Variants in SYT9 observed in about 807,000 individuals in gnomAD.
The protein encoded by SYT9 is synaptotagmin 9.
A neutral mutation model predicts 48.4 loss-of-function variants in SYT9; 22 were observed. The observed-to-expected ratio is 0.45, with a 90% CI of 0.32 to 0.65. The LOEUF is 0.65. Among genes scored for constraint, SYT9 ranks in the 30% least tolerant of loss-of-function variants. The probability of loss-of-function intolerance (pLI) is 0.03; values close to 1 mark genes in which losing one functional copy is unlikely to be tolerated. For synonymous variants in SYT9, 265 were observed against 245.0 expected (o/e 1.08, Z -0.76); for missense variants, 577 against 622.0 (o/e 0.93, Z 0.77).
intron 3 of SYT9, among the ~76,000 whole-genome samples, chr11:7,376,793 T>G (rs1271716557): frequency 3.3e-5 from 5 of 151,938 alleles, no homozygotes; most frequent in African/African-American, 4.8e-5. Context: ...TGTCCACCTT[T>G]GAATGAAGAT....
At chr11:7,286,103 C>T (rs1213436144) in intron 1 of SYT9, among the ~76,000 whole-genome samples, 1 of 152,156 alleles carries the variant, frequency 6.6e-6, no homozygotes, top group East Asian at 1.9e-4. Context: ...AGGCAGTGTC[C>T]CAGTGGGGAC....
At chr11:7,380,082 C>T (rs1415887637) in intron 3 of SYT9, among the ~76,000 whole-genome samples, 1 of 152,054 alleles carries the variant, frequency 6.6e-6, no homozygotes, top group African/African-American at 2.4e-5. Context: ...AAATGTGGTA[C>T]ATATACACAA....
intron 6 of SYT9, among the ~76,000 whole-genome samples, chr11:7,433,763 C>CTCACCAGAGCTAG (rs1847653453): frequency 1.3e-5 from 2 of 152,116 alleles, no homozygotes; most frequent in African/African-American, 4.8e-5. Context: ...TCACCAGACA[C>CTCACCAGAGCTAG]CAAATCAGCT....
intron 3 of SYT9, among the ~76,000 whole-genome samples, chr11:7,374,448 A>G (rs1186653972): frequency 1.3e-5 from 2 of 152,088 alleles, no homozygotes; most frequent in Non-Finnish European, 2.9e-5. Context: ...AATGGGATTT[A>G]AAGATCAAAT....
intron 6 of SYT9, among the ~76,000 whole-genome samples, chr11:7,446,511 A>G (rs1436490351): frequency 6.6e-6 from 1 of 152,160 alleles, no homozygotes; most frequent in African/African-American, 2.4e-5. Context: ...CTGTCCAGTG[A>G]TCTCCAGAGC....
chr11:7,368,470 A>G (rs766881099), intron 3 of SYT9, among the ~76,000 whole-genome samples: 1 of 152,050 alleles, frequency 6.6e-6, no homozygotes, highest in Non-Finnish European at 1.5e-5. Flanking sequence ...TCTAGGTTTT[A>G]AGCCCCACAT....
At position 7,311,619 on chromosome 11, in the gene SYT9, T is replaced by G. The variant is rs371813197; in HGVS notation, c.498-1776T>G. ...CTTTTATCATGTAAACAGCACCACT[T>G]ACTAGACAGTACCCAGAAGGGTGGG... On this transcript the variant is annotated intron_variant, in intron 2 of 6. Coordinates refer to ENST00000318881, the MANE Select transcript of SYT9 (RefSeq NM_175733.4). Among the ~76,000 whole-genome samples the G allele has an allele frequency of 9.1e-4, 139 of 152,314 alleles. 1 individual carries two copies. The South Asian group carries it at 0.028, about 30-fold the overall frequency.
intron 1 of SYT9, among the ~76,000 whole-genome samples, chr11:7,253,504 A>G (rs560290163): frequency 2.0e-5 from 3 of 152,360 alleles, no homozygotes; most frequent in Admixed American, 1.3e-4. Context: ...TCCTTGATAT[A>G]TTCAAGATGG....
intron 1 of SYT9, among the ~76,000 whole-genome samples, chr11:7,279,837 C>T (rs759499584): frequency 2.0e-5 from 3 of 152,214 alleles, no homozygotes; most frequent in Non-Finnish European, 2.9e-5. Context: ...TCTTCCTCTA[C>T]ATCTAATTGC....
At chr11:7,405,965 G>C (rs2134082028) in intron 3 of SYT9, among the ~76,000 whole-genome samples, 1 of 152,192 alleles carries the variant, frequency 6.6e-6, no homozygotes, top group Non-Finnish European at 1.5e-5. Flanking sequence ...TGTTGAACTA[G>C]GGGCTGTTCT....
intron 1 of SYT9, among the ~76,000 whole-genome samples, chr11:7,296,755 A>G (rs1848815606): frequency 6.6e-6 from 1 of 152,210 alleles, no homozygotes; most frequent in South Asian, 2.1e-4. Flanking sequence ...AGGGATATTG[A>G]TGAGGTAATT....
At position 7,288,364 on chromosome 11, in the gene SYT9, C is replaced by T. The variant is rs1269443664; in HGVS notation, c.146-14675C>T. ...TTCTCTTATATTTTTATGATAATGT[C>T]TCATCCTTTCTAATACCTCTTATTT... is the stretch of plus-strand genomic sequence containing the variant. On this transcript the variant is annotated intron_variant, in intron 1 of 6. Transcript: ENST00000318881. Among the ~76,000 whole-genome samples the T allele has an allele frequency of 2.0e-5, 3 of 151,116 alleles. No homozygotes were observed. The South Asian group carries it at 6.2e-4, about 31-fold the overall frequency.
At chr11:7,380,641 T>C (rs1850543970) in intron 3 of SYT9, among the ~76,000 whole-genome samples, 1 of 151,332 alleles carries the variant, frequency 6.6e-6, no homozygotes, top group Non-Finnish European at 1.5e-5. Flanking sequence ...AAACAGAAAA[T>C]AAAAAAATAA....
intron 3 of SYT9, among the ~76,000 whole-genome samples, chr11:7,382,691 G>A (rs1390040867): frequency 6.6e-6 from 1 of 152,182 alleles, no homozygotes; most frequent in East Asian, 1.9e-4. Context: ...TTCGTTGACC[G>A]TAAGGAGCTT....
intron 3 of SYT9, among the ~76,000 whole-genome samples, chr11:7,404,327 C>T (rs1451285646): frequency 5.9e-5 from 9 of 152,008 alleles, no homozygotes; most frequent in African/African-American, 1.9e-4. Context: ...AATTTACTAC[C>T]TTACTATCTG....
intron 3 of SYT9, among the ~76,000 whole-genome samples, chr11:7,374,063 C>G (rs1301099034): frequency 6.6e-6 from 1 of 152,020 alleles, no homozygotes; most frequent in Non-Finnish European, 1.5e-5. Context: ...CCAATGCTAT[C>G]CCTCCCCTTG....
chr11:7,347,824 G>A (rs1564871344), intron 3 of SYT9, among the ~76,000 whole-genome samples: 1 of 152,148 alleles, frequency 6.6e-6, no homozygotes, highest in Non-Finnish European at 1.5e-5. Context: ...CAGGCCTCCT[G>A]AAGCATTTGT....
At chr11:7,357,391 A>T (rs936637279) in intron 3 of SYT9, among the ~76,000 whole-genome samples, 5 of 152,156 alleles carry the variant, frequency 3.3e-5, no homozygotes, top group Non-Finnish European at 4.4e-5. Context: ...TAATACAAAT[A>T]AAGCATAAGA....
chr11:7,375,692 TTCAC>T (rs1248947874), intron 3 of SYT9, among the ~76,000 whole-genome samples: 3 of 152,124 alleles, frequency 2.0e-5, no homozygotes, highest in African/African-American at 7.2e-5. Flanking sequence ...TGAATGGGAG[TTCAC>T]TCATGATTTG....
Sources: gnomAD v4.1 joint callset for allele counts (sites outside exome capture counted in the v4.1 genomes callset) on GRCh38, gnomAD v4.1.1 for gene constraint, MANE v1.5 for transcripts, NCBI Gene and HGNC (gene_info 2026-07-23, HGNC 2026-07-21) for gene names.